CHD1L: variants seen among roughly 807,000 people sequenced by gnomAD.
CHD1L encodes chromodomain helicase DNA binding protein 1 like, also known as ATP-dependent chromatin remodeler CHD1L.
CHD1L carries 118 observed loss-of-function variants against 115.9 expected under a neutral mutation model. The observed-to-expected ratio is 1.02, with a 90% CI of 0.88 to 1.19. The LOEUF (loss-of-function observed/expected upper bound fraction) is 1.19. Among genes scored for constraint, CHD1L ranks in the 50% most tolerant of loss-of-function variants. The pLI, the probability that CHD1L is intolerant of heterozygous loss-of-function variation, is 0.00. For synonymous variants in CHD1L, 411 were observed against 387.1 expected (o/e 1.06, Z -0.72); for missense variants, 1,179 against 1,065.3 (o/e 1.11, Z -1.49).
chr1:147,274,018 G>A (rs943175721), intron 12 of CHD1L, among the ~76,000 whole-genome samples: 10 of 152,144 alleles, frequency 6.6e-5, no homozygotes, highest in Non-Finnish European at 1.3e-4. Flanking sequence ...ATGAATTCAA[G>A]AAGATAATTT....
intron 8 of CHD1L, 103 bp downstream of exon 8, chr1:147,266,190 G>A (rs1559791247): frequency 8.9e-7 from 1 of 1,126,120 alleles, no homozygotes; most frequent in Non-Finnish European, 1.2e-6. Flanking sequence ...CAAGAATATG[G>A]GATGGAATTT....
At chr1:147,264,609 C>T in intron 7 of CHD1L, 25 bp downstream of exon 7, 1 of 1,609,076 alleles carries the variant, frequency 6.2e-7, no homozygotes, top group South Asian at 1.1e-5. Flanking sequence ...TGCAAATCAT[C>T]CCCAAGAAGC....
At position 147,291,496 on chromosome 1, in the gene CHD1L, G is replaced by A. The variant is rs868931664; in HGVS notation, c.2335G>A (p.Gly779Ser). 1 of 1,613,874 alleles carries A rather than the reference G, an allele frequency of 6.2e-7. No homozygotes were observed. The highest frequency in any genetic ancestry group is 2.2e-5 in the East Asian group (1 of 44,880). Reference protein sequence around the residue: ...AGKMKDLSLGGVLLFPVDDKE... With the variant: ...AGKMKDLSLGSVLLFPVDDKE... The stretch of plus-strand genomic sequence containing the variant: ...TTTTACCTCAGACCTGAGTTTGGGA[G>A]GTGTCCTTTTATTTCCTGTTGATGA... The change falls in exon 20 of 23, where the codon GGT (glycine) becomes AGT (serine). Residue 779 changes from glycine to serine, a missense_variant. Transcript: ENST00000369258.
At chr1:147,275,517 G>T in intron 13 of CHD1L, 49 bp downstream of exon 13, 1 of 1,465,650 alleles carries the variant, frequency 6.8e-7, no homozygotes. Context: ...GCAGTTCTGG[G>T]TTGTGAAAAA....
rs1572272188 is a variant in CHD1L, at chr1:147,295,571, C to T, written c.*62C>T. Reference sequence around the variant, plus strand: ...AGCTAATATTTACCCAGAGGTACTGCAATAGAGTATTTCAAAATGGAATCA... The same window carrying T: ...AGCTAATATTTACCCAGAGGTACTGTAATAGAGTATTTCAAAATGGAATCA... On this transcript the variant is annotated 3_prime_UTR_variant, in exon 23 of 23. Coordinates refer to ENST00000369258, the MANE Select transcript of CHD1L (RefSeq NM_004284.6). The T allele has an allele frequency of 8.5e-7, 1 of 1,179,592 alleles. No homozygotes were observed. The highest frequency in any genetic ancestry group is 2.4e-5 in the East Asian group (1 of 41,408). 73.1% of individuals were successfully genotyped at this position (1,179,592 alleles called of 1,614,324 possible). A position where few individuals can be genotyped will look rare whatever the true frequency, so the allele number is the denominator to read the frequency against.
chr1:147,178,759 G>A, the CHD1L span: 3 of 1,598,526 alleles, frequency 1.9e-6, no homozygotes, highest in African/African-American at 4.0e-5. Flanking sequence ...TAACAAGTTG[G>A]AGGACAAGAC....
In CHD1L at chr1:147,288,103, T is replaced by C. The variant is rs146231927; in HGVS notation, c.2320+370T>C. 6.6e-5 allele frequency among the ~76,000 whole-genome samples: 10 copies of C among 151,942 alleles called. No homozygotes were observed. The East Asian group carries it at 1.6e-3, about 24-fold the overall frequency. On this transcript the variant is annotated intron_variant, in intron 19 of 22. Coordinates refer to ENST00000369258, the MANE Select transcript of CHD1L (RefSeq NM_004284.6). ...ACTTTGGGAGGCTGAGGCAGGAGGA[T>C]TGCTTGAGGCCAGGAGTTTGAGACC...
At chr1:147,271,457 T>G (rs1476655048) in intron 11 of CHD1L, among the ~76,000 whole-genome samples, 1 of 152,206 alleles carries the variant, frequency 6.6e-6, no homozygotes, top group Non-Finnish European at 1.5e-5. Flanking sequence ...CAATAAAGAA[T>G]GTAGGTTATT....
chr1:147,208,444 CTTT>C, the CHD1L span: 3 of 145,588 alleles, frequency 2.1e-5, no homozygotes, highest in Admixed American at 6.8e-5. Flanking sequence ...CTTTTCTTTT[CTTT>C]TTTTTTTTTT....
At chr1:147,259,126 T>A (rs1170518634) in intron 5 of CHD1L, 2 of 152,258 alleles carry the variant, frequency 1.3e-5, no homozygotes, top group Admixed American at 1.3e-4. Context: ...TTTCTGTATT[T>A]TGAATTTTTC....
chr1:147,225,224 G>T, the CHD1L span: 40 of 1,405,470 alleles, frequency 2.8e-5, no homozygotes, highest in Non-Finnish European at 3.6e-5. Flanking sequence ...CTGCTGGCAT[G>T]GGGGAGCCCT....
the CHD1L span, among the ~76,000 whole-genome samples, chr1:147,205,302 T>C: frequency 6.6e-6 from 1 of 152,176 alleles, no homozygotes; most frequent in East Asian, 1.9e-4. Context: ...AAAAATATCT[T>C]TATAGTGGAG....
intron 1 of CHD1L, among the ~76,000 whole-genome samples, chr1:147,245,657 C>T (rs1666363271): frequency 6.6e-6 from 1 of 150,638 alleles, no homozygotes; most frequent in African/African-American, 2.4e-5. Context: ...GTATTGTTAT[C>T]TTTGTGGATA....
intron 16 of CHD1L, 63 bp downstream of exon 16, chr1:147,284,562 AAAT>A: frequency 1.4e-6 from 2 of 1,399,350 alleles, no homozygotes; most frequent in Non-Finnish European, 9.6e-7. Context: ...ACAAACAAAA[AAAT>A]GATGCTGGCA....
chr1:147,216,204 G>T, the CHD1L span, among the ~76,000 whole-genome samples: 1 of 152,072 alleles, frequency 6.6e-6, no homozygotes, highest in Non-Finnish European at 1.5e-5. Flanking sequence ...ATTCTGCCTG[G>T]GTCTCAGAAA....
the CHD1L span, among the ~76,000 whole-genome samples, chr1:147,194,364 A>G: frequency 2.0e-5 from 3 of 151,918 alleles, no homozygotes; most frequent in African/African-American, 7.3e-5. Context: ...TGCTTGGTAG[A>G]TCTTCCTCCA....
the CHD1L span, among the ~76,000 whole-genome samples, chr1:147,231,880 G>A: frequency 3.3e-5 from 5 of 152,144 alleles, no homozygotes; most frequent in South Asian, 4.1e-4. Flanking sequence ...TGTGCTTCCC[G>A]GGTGAGGCGA....
At chr1:147,178,224 T>G in the CHD1L span, 1 of 1,612,976 alleles carries the variant, frequency 6.2e-7, no homozygotes, top group South Asian at 1.1e-5. Context: ...ACTTGGAGAG[T>G]CGCATCTCCG....
intron 5 of CHD1L, chr1:147,258,883 C>T (rs1473392476): frequency 3.9e-5 from 6 of 152,034 alleles, no homozygotes; most frequent in Admixed American, 2.6e-4. Context: ...AAAAGTTAAA[C>T]ATCTTATAAT....
Sources: allele counts gnomAD v4.1 joint callset (sites outside exome capture counted in the v4.1 genomes callset), GRCh38; gene constraint gnomAD v4.1.1; transcripts MANE v1.5; gene names NCBI Gene and HGNC (gene_info 2026-07-23, HGNC 2026-07-21).